The following P2RY2 variants were observed in gnomAD, a reference collection of about 807,000 sequenced individuals.
P2RY2 encodes P2Y purinoceptor 2.
For missense variants in P2RY2, 567 were observed against 515.7 expected (o/e 1.10, Z -0.96); for synonymous variants, 241 against 231.9 (o/e 1.04, Z -0.35).
intron 2 of P2RY2, among the ~76,000 whole-genome samples, chr11:73,229,895 C>T (rs936836131): frequency 2.6e-5 from 4 of 152,070 alleles, no homozygotes; most frequent in Non-Finnish European, 5.9e-5. Context: ...GAAGCCCCCT[C>T]CCTGTCCAAG....
In P2RY2 at chr11:73,234,417, G is replaced by A. The variant is rs1591639112; in HGVS notation, c.258G>A (p.Leu86=). 1 of 1,614,158 alleles carries A rather than the reference G, an allele frequency of 6.2e-7. No homozygotes were observed. The highest frequency in any genetic ancestry group is 8.5e-7 in the Non-Finnish European group (1 of 1,180,034). ...CTGATGCACTGTATGCGGCCTCCCT[G>A]CCGCTGCTGGTCTATTACTACGCCC... is the stretch of plus-strand genomic sequence containing the variant. ...AVSDALYAAS[L]PLLVYYYARG... The change falls in exon 3 of 3, where the codon CTG becomes CTA. Residue 86 remains leucine (L), a synonymous_variant. Transcript: ENST00000393597.
At chr11:73,225,519 G>C (rs181524630) in intron 1 of P2RY2, among the ~76,000 whole-genome samples, 3 of 152,340 alleles carry the variant, frequency 2.0e-5, no homozygotes, top group African/African-American at 7.2e-5. Flanking sequence ...GCAGAGAACT[G>C]AGCAGACAGG....
At chr11:73,232,657 C>T (rs970012000) in intron 2 of P2RY2, among the ~76,000 whole-genome samples, 1 of 152,172 alleles carries the variant, frequency 6.6e-6, no homozygotes, top group African/African-American at 2.4e-5. Flanking sequence ...GATCCACCCG[C>T]CTCAGCCTCC....
At chr11:73,231,849 A>ATCTGCCCGCCTG (rs1862469137) in intron 2 of P2RY2, among the ~76,000 whole-genome samples, 1 of 152,286 alleles carries the variant, frequency 6.6e-6, no homozygotes, top group East Asian at 1.9e-4. Context: ...CAGGAGTTCG[A>ATCTGCCCGCCTG]GACCAGCCTG....
At chr11:73,222,583 A>C (rs1591625394) in intron 1 of P2RY2, among the ~76,000 whole-genome samples, 1 of 151,838 alleles carries the variant, frequency 6.6e-6, no homozygotes, top group South Asian at 2.1e-4. Context: ...ATGCCACCTC[A>C]CCCTCCACAG....
In P2RY2 at chr11:73,234,310, A is replaced by T; in HGVS notation, c.151A>T (p.Asn51Tyr). Residue 51 changes from asparagine to tyrosine, a missense_variant, in exon 3 of 3, where the codon AAC (asparagine) becomes TAC (tyrosine). Transcript: ENST00000393597. Reference sequence around the variant, plus strand: ...GGTGTGCGTGCCTGGGCTGTGTCTGAACGCCGTGGCGCTCTACATCTTCTT... The same window carrying T: ...GGTGTGCGTGCCTGGGCTGTGTCTGTACGCCGTGGCGCTCTACATCTTCTT... Reference protein sequence around the residue: ...GVVCVPGLCLNAVALYIFLCR... With the variant: ...GVVCVPGLCLYAVALYIFLCR... 1.2e-6 allele frequency: 2 copies of T among 1,613,772 alleles called. No individual in the cohort carries two copies. The highest frequency in any genetic ancestry group is 1.7e-6 in the Non-Finnish European group (2 of 1,179,762).
Position 73,237,231 on chromosome 11 carries a change from G to T in P2RY2, c.*1938G>T, listed in dbSNP as rs1331258572. On this transcript the variant is annotated 3_prime_UTR_variant, in exon 3 of 3. Transcript: ENST00000393597. ...TAGGTTCTATACTTCTGTTAATGTA[G>T]CCGATGTCCTTCTGAGTTTTTTTTT... The T allele has an allele frequency of 1.8e-6, 1 of 543,630 alleles. No homozygotes were observed. The highest frequency in any genetic ancestry group is 2.3e-6 in the Non-Finnish European group (1 of 426,442). 33.7% of individuals were successfully genotyped at this position (543,630 alleles called of 1,614,324 possible).
rs551569762 is a variant in P2RY2, at chr11:73,227,463, G to C, written c.-199-518G>C. Among the ~76,000 whole-genome samples, 17 of 152,272 alleles carry C rather than the reference G, an allele frequency of 1.1e-4. No homozygotes were observed. The South Asian group carries it at 2.5e-3, about 22-fold the overall frequency. On this transcript the variant is annotated intron_variant, in intron 1 of 2. Transcript: ENST00000393597. ...TGTGTCTGTGCCAGTGTGTGTTCAGGTGTGGCATATGTGTGTTTATAACAC... is the reference window on the plus strand; with the variant it reads ...TGTGTCTGTGCCAGTGTGTGTTCAGCTGTGGCATATGTGTGTTTATAACAC...
At position 73,235,221 on chromosome 11, in the gene P2RY2, C is replaced by A; in HGVS notation, c.1062C>A (p.Gly354=). 2 of 1,610,748 alleles carry A rather than the reference C, an allele frequency of 1.2e-6. No homozygotes were observed. The highest frequency in any genetic ancestry group is 8.5e-7 in the Non-Finnish European group (1 of 1,178,426). ...TGCAGAGGATAGAAGATGTGTTGGG[C>A]AGCAGTGAGGACTCTAGGCGGACAG... ...TDMQRIEDVL[G]SSEDSRRTES... Residue 354 remains glycine, a synonymous_variant, in exon 3 of 3, where the codon GGC becomes GGA. Coordinates refer to ENST00000393597, the MANE Select transcript of P2RY2 (RefSeq NM_002564.4).
In P2RY2 at chr11:73,236,236, A is replaced by C; in HGVS notation, c.*943A>C. 1.0e-6 allele frequency: 1 copy of C among 960,584 alleles called. No individual in the cohort carries two copies. Among genetic ancestry groups the C allele is most frequent in the African/African-American group, 1.8e-5 (1 of 56,624 alleles). The allele number at this position is 960,584 out of a possible 1,614,324, so 59.5% of individuals were successfully genotyped here. On this transcript the variant is annotated 3_prime_UTR_variant, in exon 3 of 3. Coordinates refer to ENST00000393597, the MANE Select transcript of P2RY2 (RefSeq NM_002564.4). ...TGTGCTGGTAAATGTTAAGCCATTT[A>C]ACTGGAGCTCCGATTTAACTGGGAA... is the stretch of plus-strand genomic sequence containing the variant.
rs777679021 is a variant in P2RY2 at position 73,234,986 on chromosome 11, T to C, written c.827T>C (p.Leu276Pro). Reference protein sequence around the residue: ...TLYYSFRSLDLSCHTLNAINM... With the variant: ...TLYYSFRSLDPSCHTLNAINM... ...TACTACTCCTTCCGCTCGCTGGACC[T>C]CAGCTGCCACACCCTCAACGCCATC... Residue 276 changes from leucine (L) to proline (P), a missense_variant, in exon 3 of 3, where the codon CTC becomes CCC. Physicochemically the swap from Leu to Pro is moderately conservative, Grantham distance 98. Coordinates refer to ENST00000393597, the MANE Select transcript of P2RY2 (RefSeq NM_002564.4). 18 of 1,609,608 alleles carry C rather than the reference T, an allele frequency of 1.1e-5. 1 individual carries two copies. The highest frequency in any genetic ancestry group is 6.7e-5 in the East Asian group (3 of 44,872).
chr11:73,235,040 T>A lies in P2RY2; in HGVS notation c.881T>A (p.Leu294Gln). 1 of 1,608,286 alleles carries A rather than the reference T, an allele frequency of 6.2e-7. No individual in the cohort carries two copies. The highest frequency in any genetic ancestry group is 8.5e-7 in the Non-Finnish European group (1 of 1,179,954). ...INMAYKVTRP[L>Q]ASANSCLDPV... ...ATGGCCTACAAGGTTACCCGGCCGC[T>A]GGCCAGTGCTAACAGTTGCCTTGAC... Residue 294 changes from leucine (L) to glutamine (Q), a missense_variant, in exon 3 of 3, where the codon CTG becomes CAG. Coordinates refer to ENST00000393597, the MANE Select transcript of P2RY2 (RefSeq NM_002564.4).
intron 2 of P2RY2, 131 bp from the exon 3 acceptor site, chr11:73,234,025 C>T: frequency 8.4e-6 from 9 of 1,069,324 alleles, no homozygotes; most frequent in Non-Finnish European, 1.2e-5. Context: ...TCTCAAGGTT[C>T]CAGAGCTTGG....
Position 73,237,673 on chromosome 11 carries a change from G to C in P2RY2, c.*2380G>C, listed in dbSNP as rs912823092. Among the ~76,000 whole-genome samples the C allele has an allele frequency of 2.0e-5, 3 of 152,216 alleles. No individual in the cohort carries two copies. The highest frequency in any genetic ancestry group is 4.8e-5 in the African/African-American group (2 of 41,464). The stretch of plus-strand genomic sequence containing the variant: ...ATCTAATCCTGTGGCAGGCACAGGT[G>C]GGGGTGGATACTGGAGACCCTGGGT... On this transcript the variant is annotated 3_prime_UTR_variant, in exon 3 of 3. Coordinates refer to ENST00000393597, the MANE Select transcript of P2RY2 (RefSeq NM_002564.4).
chr11:73,232,655 C>T (rs1375012488), intron 2 of P2RY2, among the ~76,000 whole-genome samples: 3 of 152,090 alleles, frequency 2.0e-5, no homozygotes, highest in Non-Finnish European at 4.4e-5. Context: ...GTGATCCACC[C>T]GCCTCAGCCT....
chr11:73,234,065 G>A, intron 2 of P2RY2, 91 bp from the exon 3 acceptor site: 1 of 1,468,286 alleles, frequency 6.8e-7, no homozygotes, highest in Non-Finnish European at 9.0e-7. Context: ...AAGTCAGATG[G>A]CAATGAAAGC....
In P2RY2 at chr11:73,235,790, C is replaced by T. The variant is rs1306189285; in HGVS notation, c.*497C>T. 5.0e-6 allele frequency: 5 copies of T among 1,001,152 alleles called. No individual in the cohort carries two copies. The allele number at this position is 1,001,152 out of a possible 1,614,324, so 62.0% of individuals were successfully genotyped here. A position where few individuals can be genotyped will look rare whatever the true frequency, so the allele number is the denominator to read the frequency against. ...ACAGTGGTCTGGAATGGACTGGGTG[C>T]CACGGTGGACTTAGCTCTGAGGAGT... is the stretch of plus-strand genomic sequence containing the variant. On this transcript the variant is annotated 3_prime_UTR_variant, in exon 3 of 3. Coordinates refer to ENST00000393597, the MANE Select transcript of P2RY2 (RefSeq NM_002564.4).
rs1862761634 is a variant in P2RY2 at position 73,240,939 on chromosome 11, CAT to C, written c.*5649_*5650del. 6.6e-6 allele frequency: 1 copy of C among 152,226 alleles called. No homozygotes were observed. The highest frequency in any genetic ancestry group is 2.1e-4 in the South Asian group (1 of 4,834). 9.4% of individuals were successfully genotyped at this position (152,226 alleles called of 1,614,324 possible). A position where few individuals can be genotyped will look rare whatever the true frequency, so the allele number is the denominator to read the frequency against. On this transcript the variant is annotated 3_prime_UTR_variant, in exon 3 of 3. Transcript: ENST00000393597. The stretch of plus-strand genomic sequence containing the variant: ...GTTTGTGTCCCCCGCCCCACAAATC[CAT>C]ATGTCAAAATCCCAACTGCCAAGGT...
rs1247205323 is a variant in P2RY2, at chr11:73,237,405, A to G, written c.*2112A>G. On this transcript the variant is annotated 3_prime_UTR_variant, in exon 3 of 3. Transcript: ENST00000393597. ...TGGGATTACAGGTATGCGCCACCAC[A>G]CCTGGCTAATTTTTGTATTTTTAAT... Among the ~76,000 whole-genome samples the G allele has an allele frequency of 6.6e-6, 1 of 151,748 alleles. No homozygotes were observed. Among genetic ancestry groups the G allele is most frequent in the Non-Finnish European group, 1.5e-5 (1 of 67,920 alleles).
Sources: gnomAD v4.1 joint callset for allele counts (sites outside exome capture counted in the v4.1 genomes callset) on GRCh38, gnomAD v4.1.1 for gene constraint, MANE v1.5 for transcripts, NCBI Gene and HGNC (gene_info 2026-07-23, HGNC 2026-07-21) for gene names.